The following SV2C variants were observed in gnomAD, a reference collection of about 807,000 sequenced individuals.
The protein encoded by SV2C is solute carrier family 22 member B3.
A neutral mutation model predicts 79.7 loss-of-function variants in SV2C; 49 were observed. That is an observed-to-expected ratio of 0.61 (90% CI 0.49 to 0.78). SV2C has a LOEUF of 0.78. Ranked by LOEUF, SV2C falls within the 30% of genes least tolerant of loss-of-function variation. SV2C has a pLI of 0.00. For missense variants in SV2C, 833 were observed against 912.9 expected, an observed-to-expected ratio of 0.91 and a Z score of 1.13; for synonymous variants, 334 against 333.2, an observed-to-expected ratio of 1.00 and a Z score of -0.03.
intron 12 of SV2C, among the ~76,000 whole-genome samples, chr5:76,352,290 C>T (rs1001420277): frequency 3.9e-5 from 6 of 152,104 alleles, no homozygotes; most frequent in African/African-American, 7.2e-5. Context: ...TAATTATGAA[C>T]GTAAGCAACT....
At chr5:75,947,215 G>A in the SV2C span, among the ~76,000 whole-genome samples, 3 of 152,070 alleles carry the variant, frequency 2.0e-5, no homozygotes, top group African/African-American at 7.2e-5. Flanking sequence ...CAGGAGTTGT[G>A]TCTTGATTCA....
chr5:76,071,322 T>C, the SV2C span, among the ~76,000 whole-genome samples: 1 of 152,162 alleles, frequency 6.6e-6, no homozygotes, highest in African/African-American at 2.4e-5. Flanking sequence ...GCAGGAGTTA[T>C]AAAAGAACCT....
At chr5:76,166,921 A>G (rs1014010287) in intron 2 of SV2C, among the ~76,000 whole-genome samples, 1 of 152,222 alleles carries the variant, frequency 6.6e-6, no homozygotes, top group Non-Finnish European at 1.5e-5. Flanking sequence ...ATGGGGTTTT[A>G]TGACCCAAGA....
chr5:76,330,562 C>A lies in SV2C; in HGVS notation c.*5015C>A, dbSNP rs1749148636. The A allele has an allele frequency of 7.7e-6, 1 of 129,490 alleles. No individual in the cohort carries two copies. Among genetic ancestry groups the A allele is most frequent in the Non-Finnish European group, 1.8e-5 (1 of 56,922 alleles). The allele number at this position is 129,490 out of a possible 1,614,324, so 8.0% of individuals were successfully genotyped here. A position where few individuals can be genotyped will look rare whatever the true frequency, so the allele number is the denominator to read the frequency against. The stretch of plus-strand genomic sequence containing the variant: ...CATTACATGTGAACCCTCCGCGCCC[C>A]CCCCCATAAATACAAAGTGTTATTT... On this transcript the variant is annotated 3_prime_UTR_variant, in exon 13 of 13. Transcript: ENST00000502798.
At position 76,330,696 on chromosome 5, in the gene SV2C, T is replaced by C. The variant is rs1377496255; in HGVS notation, c.*5149T>C. On this transcript the variant is annotated 3_prime_UTR_variant, in exon 13 of 13. Coordinates refer to ENST00000502798, the MANE Select transcript of SV2C (RefSeq NM_014979.4). ...AAGCTCCTTGATTACCTGGTTTTTG[T>C]TGGAGAGACTATTAACTAGTACTTG... 1 of 152,120 alleles carries C rather than the reference T, an allele frequency of 6.6e-6. No individual in the cohort carries two copies. The highest frequency in any genetic ancestry group is 1.5e-5 in the Non-Finnish European group (1 of 68,040). 9.4% of individuals were successfully genotyped at this position (152,120 alleles called of 1,614,324 possible). A position where few individuals can be genotyped will look rare whatever the true frequency, so the allele number is the denominator to read the frequency against.
chr5:76,130,391 T>G (rs904054084), intron 1 of SV2C, among the ~76,000 whole-genome samples: 2 of 152,216 alleles, frequency 1.3e-5, no homozygotes, highest in Non-Finnish European at 2.9e-5. Flanking sequence ...TCTTTATTGC[T>G]GGGTTTGTTT....
chr5:76,292,740 A>G (rs1292718260), intron 8 of SV2C, among the ~76,000 whole-genome samples: 2 of 152,246 alleles, frequency 1.3e-5, no homozygotes, highest in African/African-American at 4.8e-5. Context: ...TTGTTGCCAA[A>G]TGAATTAAAC....
chr5:75,847,951 A>C, the SV2C span, among the ~76,000 whole-genome samples: 5 of 152,244 alleles, frequency 3.3e-5, no homozygotes, highest in South Asian at 1.0e-3. Context: ...GATGGAGAGA[A>C]AAGCCCAGCT....
At chr5:76,253,976 A>G (rs1746189201) in intron 4 of SV2C, among the ~76,000 whole-genome samples, 1 of 152,050 alleles carries the variant, frequency 6.6e-6, no homozygotes, top group African/African-American at 2.4e-5. Context: ...TAGACTTGGC[A>G]GAAGGTAGAA....
chr5:75,927,082 G>A, the SV2C span, among the ~76,000 whole-genome samples: 1 of 152,122 alleles, frequency 6.6e-6, no homozygotes, highest in East Asian at 1.9e-4. Context: ...TAATGTATGA[G>A]ATTATGTGTA....
chr5:76,127,178 G>A (rs1019020153), intron 1 of SV2C, among the ~76,000 whole-genome samples: 1 of 152,164 alleles, frequency 6.6e-6, no homozygotes, highest in Admixed American at 6.5e-5. Flanking sequence ...AAAGCAAAGG[G>A]AAGACTGCAT....
intron 3 of SV2C, among the ~76,000 whole-genome samples, chr5:76,209,097 G>T (rs1744693039): frequency 1.3e-5 from 2 of 152,094 alleles, no homozygotes. Flanking sequence ...TAAACCACCA[G>T]CTCCTTATTT....
intron 4 of SV2C, among the ~76,000 whole-genome samples, chr5:76,271,523 T>A (rs757834449): frequency 6.6e-6 from 1 of 152,136 alleles, no homozygotes; most frequent in Non-Finnish European, 1.5e-5. Context: ...CACAATCTTT[T>A]GGAGCATACG....
chr5:76,325,536 G>A lies in SV2C; in HGVS notation c.2173G>A (p.Val725Ile), dbSNP rs1343331706. 1.2e-6 allele frequency: 2 copies of A among 1,613,768 alleles called. No individual in the cohort carries two copies. Among genetic ancestry groups the A allele is most frequent in the African/African-American group, 1.3e-5 (1 of 74,900 alleles). Residue 725 changes from valine (V) to isoleucine (I), a missense_variant, in exon 13 of 13, where the codon GTT (valine) becomes ATT (isoleucine). By Grantham distance (29) the Val-to-Ile change is conservative (BLOSUM62 3). Coordinates refer to ENST00000502798, the MANE Select transcript of SV2C (RefSeq NM_014979.4). ...GTGCCTGCCTGACACACGAACCCAG[G>A]TTCTGATGTAATGGGAAAAAAAGCC... is the stretch of plus-strand genomic sequence containing the variant. Reference protein sequence around the residue: ...GLCLPDTRTQVLM With the variant: ...GLCLPDTRTQILM
intron 1 of SV2C, among the ~76,000 whole-genome samples, chr5:76,106,280 T>C (rs1043648926): frequency 2.6e-5 from 4 of 152,114 alleles, no homozygotes; most frequent in African/African-American, 9.7e-5. Flanking sequence ...CCACTCCCAC[T>C]GCTGTCTACT....
At chr5:76,039,323 A>T in the SV2C span, among the ~76,000 whole-genome samples, 1 of 152,204 alleles carries the variant, frequency 6.6e-6, no homozygotes, top group African/African-American at 2.4e-5. Context: ...AGAGCGTGCC[A>T]GGTGACCAAG....
downstream of SV2C, among the ~76,000 whole-genome samples, chr5:76,337,162 G>C (rs575307282): frequency 2.0e-5 from 3 of 152,236 alleles, no homozygotes; most frequent in Admixed American, 2.0e-4. Flanking sequence ...TTACAGATCT[G>C]GAGACCAGAA....
At chr5:76,299,019 G>A (rs1289979358) in intron 10 of SV2C, 92 bp downstream of exon 10, 18 of 1,378,444 alleles carry the variant, frequency 1.3e-5, no homozygotes, top group African/African-American at 2.9e-5. Context: ...AGGCTTATGC[G>A]GGAAGTGGAT....
chr5:75,898,002 T>G, the SV2C span, among the ~76,000 whole-genome samples: 1 of 151,778 alleles, frequency 6.6e-6, no homozygotes, highest in Non-Finnish European at 1.5e-5. Flanking sequence ...TATACAATCA[T>G]ATCGTCTGCA....
Sources: gnomAD v4.1 joint callset for allele counts (sites outside exome capture counted in the v4.1 genomes callset) on GRCh38, gnomAD v4.1.1 for gene constraint, MANE v1.5 for transcripts, NCBI Gene and HGNC (gene_info 2026-07-23, HGNC 2026-07-21) for gene names.